PDE4D: variants seen among roughly 807,000 people sequenced by gnomAD.
PDE4D encodes 3',5'-cyclic-AMP phosphodiesterase 4D.
PDE4D carries 24 observed loss-of-function variants against 87.4 expected under a neutral mutation model. That is an observed-to-expected ratio of 0.27 (90% CI 0.20 to 0.39). The LOEUF is 0.39. PDE4D is among the 10% of genes least tolerant of loss of function. The pLI is 1.00. For synonymous variants in PDE4D, 384 were observed against 383.2 expected, an observed-to-expected ratio of 1.00 and a Z score of -0.02; for missense variants, 714 against 1,041.0, an observed-to-expected ratio of 0.69 and a Z score of 4.32.
At chr5:59,414,444 A>C (rs1239293325) in intron 1 of PDE4D, among the ~76,000 whole-genome samples, 1 of 152,202 alleles carries the variant, frequency 6.6e-6, no homozygotes, top group Non-Finnish European at 1.5e-5. Context: ...GATCAAGAAG[A>C]ATGCAGGGAC....
chr5:59,912,809 C>A (rs1581708493), intron 3 of PDE4D, among the ~76,000 whole-genome samples: 1 of 152,018 alleles, frequency 6.6e-6, no homozygotes, highest in South Asian at 2.1e-4. Flanking sequence ...ATTTAATGTA[C>A]CATGATGAAC....
chr5:60,255,029 C>G (rs1330466811), intron 1 of PDE4D, among the ~76,000 whole-genome samples: 1 of 151,838 alleles, frequency 6.6e-6, no homozygotes, highest in African/African-American at 2.4e-5. Flanking sequence ...AATACTGCTG[C>G]CTCAGTTTAC....
At chr5:59,333,972 T>G (rs1179280972) in intron 1 of PDE4D, among the ~76,000 whole-genome samples, 1 of 152,012 alleles carries the variant, frequency 6.6e-6, no homozygotes, top group African/African-American at 2.4e-5. Context: ...CCTGCAGGTC[T>G]TGTTTATGAG....
intron 6 of PDE4D, among the ~76,000 whole-genome samples, chr5:59,004,177 G>A (rs143778547): frequency 5.6e-4 from 85 of 151,200 alleles, no homozygotes; most frequent in Admixed American, 1.3e-3. Context: ...TGAAATAAAG[G>A]AGAAATGAGT....
At chr5:60,505,542 C>T (rs910781465) in intron 1 of PDE4D, among the ~76,000 whole-genome samples, 1 of 152,154 alleles carries the variant, frequency 6.6e-6, no homozygotes, top group Non-Finnish European at 1.5e-5. Flanking sequence ...TTGCACACTG[C>T]AAGACAGTGT....
intron 1 of PDE4D, among the ~76,000 whole-genome samples, chr5:60,401,934 G>T (rs978288122): frequency 3.3e-5 from 5 of 152,126 alleles, no homozygotes; most frequent in African/African-American, 1.2e-4. Context: ...AAAGCACTAT[G>T]AAATGAATCT....
intron 5 of PDE4D, among the ~76,000 whole-genome samples, chr5:59,044,018 G>A (rs1238549849): frequency 1.0e-3 from 153 of 152,022 alleles, no homozygotes; most frequent in Non-Finnish European, 6.0e-4. Flanking sequence ...ATAAACATAC[G>A]TGTGCATGTG....
At chr5:60,415,373 A>T (rs923730306) in intron 1 of PDE4D, among the ~76,000 whole-genome samples, 1 of 152,212 alleles carries the variant, frequency 6.6e-6, no homozygotes, top group African/African-American at 2.4e-5. Flanking sequence ...GGAGCCCTTC[A>T]GCCCTCCCCT....
At chr5:60,376,379 T>C (rs965494728) in intron 1 of PDE4D, among the ~76,000 whole-genome samples, 3 of 152,084 alleles carry the variant, frequency 2.0e-5, no homozygotes, top group Non-Finnish European at 4.4e-5. Context: ...CAGGTAAGAC[T>C]AAGCCCAAAC....
rs552990043 is a variant in PDE4D at position 59,993,002 on chromosome 5, C to T, written c.43-4285G>A. On this transcript the variant is annotated intron_variant, in intron 2 of 16. Coordinates refer to the PDE4D transcript ENST00000502484. ...TTGGAGAGAGATGTAAAACTAATCA[C>T]CAGAGCAATAAGTATCTTATGTTAT... 1.4e-3 allele frequency among the ~76,000 whole-genome samples: 218 copies of T among 152,188 alleles called. 2 individuals are homozygous for T. The highest frequency in any genetic ancestry group is 5.1e-3 in the African/African-American group (213 of 41,538).
At chr5:60,379,171 TA>T (rs1761666641) in intron 1 of PDE4D, among the ~76,000 whole-genome samples, 1 of 143,604 alleles carries the variant, frequency 7.0e-6, no homozygotes, top group Admixed American at 7.2e-5. Flanking sequence ...GAGCAGTTTT[TA>T]AAACTGTAAC....
intron 1 of PDE4D, among the ~76,000 whole-genome samples, chr5:59,371,582 C>T (rs1783948303): frequency 6.6e-6 from 1 of 152,274 alleles, no homozygotes; most frequent in East Asian, 1.9e-4. Flanking sequence ...TAAACTACCA[C>T]ACTTTGTTTA....
At chr5:59,411,948 C>T (rs774268639) in intron 1 of PDE4D, among the ~76,000 whole-genome samples, 20 of 152,166 alleles carry the variant, frequency 1.3e-4, no homozygotes, top group Non-Finnish European at 1.2e-4. Flanking sequence ...TTAATGGATT[C>T]GCTCACTTAT....
At chr5:59,328,408 G>A (rs1026805566) in intron 1 of PDE4D, among the ~76,000 whole-genome samples, 1 of 152,156 alleles carries the variant, frequency 6.6e-6, no homozygotes, top group African/African-American at 2.4e-5. Context: ...GTACATTCTA[G>A]AATGCTTTAA....
chr5:60,039,138 G>A (rs956786382), intron 2 of PDE4D, among the ~76,000 whole-genome samples: 6 of 151,722 alleles, frequency 4.0e-5, no homozygotes, highest in Admixed American at 2.0e-4. Context: ...ACATGCACAT[G>A]TATGTTTATT....
intron 1 of PDE4D, among the ~76,000 whole-genome samples, chr5:60,363,904 T>G (rs1395440200): frequency 6.6e-6 from 1 of 152,220 alleles, no homozygotes; most frequent in African/African-American, 2.4e-5. Context: ...GCTTCAGTAG[T>G]TCAAGATCTT....
chr5:59,951,002 G>A (rs903332345), intron 3 of PDE4D, among the ~76,000 whole-genome samples: 19 of 152,056 alleles, frequency 1.2e-4, no homozygotes, highest in Non-Finnish European at 2.2e-4. Flanking sequence ...AGCAATATTT[G>A]AGTCCATACT....
chr5:59,906,202 A>G (rs1752791282), intron 3 of PDE4D, among the ~76,000 whole-genome samples: 1 of 152,184 alleles, frequency 6.6e-6, no homozygotes, highest in Admixed American at 6.6e-5. Context: ...CTCAATTTTT[A>G]GCCACTATTT....
chr5:59,716,729 G>A (rs1381437017), intron 1 of PDE4D, among the ~76,000 whole-genome samples: 1 of 151,938 alleles, frequency 6.6e-6, no homozygotes, highest in East Asian at 1.9e-4. Flanking sequence ...GATATCTCTG[G>A]GACTGAAACA....
Sources: gnomAD v4.1 joint callset for allele counts (sites outside exome capture counted in the v4.1 genomes callset) on GRCh38, gnomAD v4.1.1 for gene constraint, MANE v1.5 for transcripts, NCBI Gene and HGNC (gene_info 2026-07-23, HGNC 2026-07-21) for gene names.